The following KDM4C variants were observed in gnomAD, a reference collection of about 807,000 sequenced individuals.
KDM4C encodes the protein lysine-specific demethylase 4C.
A neutral mutation model predicts 129.3 loss-of-function variants in KDM4C; 81 were observed. The ratio of observed to expected loss-of-function variants is 0.63; its 90% CI spans 0.52 to 0.75. KDM4C has a LOEUF of 0.75. KDM4C is among the 30% of genes least tolerant of loss of function. KDM4C has a pLI of 0.00. For synonymous variants in KDM4C, 573 were observed against 456.1 expected (o/e 1.26, Z -3.26); for missense variants, 1,457 against 1,304.0 (o/e 1.12, Z -1.81).
At chr9:6,823,216 C>G (rs757187501) in intron 4 of KDM4C, among the ~76,000 whole-genome samples, 2 of 152,202 alleles carry the variant, frequency 1.3e-5, no homozygotes, top group Non-Finnish European at 1.5e-5. Context: ...TCATCCTCAT[C>G]TCTATTCTCC....
intron 19 of KDM4C, among the ~76,000 whole-genome samples, chr9:7,154,376 AAC>A (rs1842969627): frequency 6.6e-6 from 1 of 152,234 alleles, no homozygotes; most frequent in East Asian, 1.9e-4. Flanking sequence ...AACTACTGGG[AAC>A]ACATGTGCCA....
At position 7,157,293 on chromosome 9, in the gene KDM4C, G is replaced by A. The variant is rs116108148; in HGVS notation, c.2782-7945G>A. Among the ~76,000 whole-genome samples the A allele has an allele frequency of 9.7e-3, 1,478 of 152,286 alleles. 21 individuals carry two copies. Among genetic ancestry groups the A allele is most frequent in the African/African-American group, 0.034 (1,400 of 41,570 alleles). ...TTTTCTAAATATACAATTATGTCAT[G>A]TGCAGACAGGGACAATTTGACTTCC... On this transcript the variant is annotated intron_variant, in intron 19 of 21. Coordinates refer to ENST00000381309, the MANE Select transcript of KDM4C (RefSeq NM_015061.6).
chr9:7,089,036 A>G (rs1454167637), intron 17 of KDM4C, among the ~76,000 whole-genome samples: 3 of 152,152 alleles, frequency 2.0e-5, no homozygotes, highest in Non-Finnish European at 2.9e-5. Context: ...TCAAGAATTG[A>G]TGAGAAAAAA....
At chr9:6,819,616 C>G (rs945787882) in intron 4 of KDM4C, among the ~76,000 whole-genome samples, 1 of 152,142 alleles carries the variant, frequency 6.6e-6, no homozygotes, top group African/African-American at 2.4e-5. Context: ...TTCTGGTAAA[C>G]AAAACCAATC....
chr9:7,150,967 C>T (rs1439820840), intron 19 of KDM4C, among the ~76,000 whole-genome samples: 1 of 152,140 alleles, frequency 6.6e-6, no homozygotes, highest in Non-Finnish European at 1.5e-5. Context: ...AGTACCTTAA[C>T]CAAGCATCGT....
At chr9:6,735,557 G>A (rs780356195) in intron 1 of KDM4C, among the ~76,000 whole-genome samples, 5 of 152,090 alleles carry the variant, frequency 3.3e-5, no homozygotes, top group East Asian at 3.8e-4. Flanking sequence ...TAGGTCTGAC[G>A]GTTTTAAAAA....
chr9:7,127,473 C>G (rs768284808), intron 18 of KDM4C, among the ~76,000 whole-genome samples: 1 of 152,094 alleles, frequency 6.6e-6, no homozygotes, highest in Non-Finnish European at 1.5e-5. Flanking sequence ...AAACTTAAGA[C>G]ACATGCTTTA....
chr9:6,733,621 C>T (rs905962201), intron 1 of KDM4C, among the ~76,000 whole-genome samples: 1 of 152,138 alleles, frequency 6.6e-6, no homozygotes, highest in Non-Finnish European at 1.5e-5. Flanking sequence ...AAAGGGGTCC[C>T]GATCCAGACC....
In KDM4C at chr9:6,986,371, C is replaced by G. The variant is rs1168804109; in HGVS notation, c.1382C>G (p.Thr461Arg). 1 of 1,612,266 alleles carries G rather than the reference C, an allele frequency of 6.2e-7. No homozygotes were observed. Among genetic ancestry groups the G allele is most frequent in the Admixed American group, 1.7e-5 (1 of 59,910 alleles). The stretch of plus-strand genomic sequence containing the variant: ...AACAGCTGCTTAAGTACATCTGTAA[C>G]AGAAGACATAAAAACTGAGGATGAC... ...SGNSCLSTSV[T>R]EDIKTEDDKA... Residue 461 changes from threonine (T) to arginine (R), a missense_variant, in exon 11 of 22, where the codon ACA (threonine) becomes AGA (arginine). Physicochemically the swap from Thr to Arg is moderately conservative, Grantham distance 71. Coordinates refer to ENST00000381309, the MANE Select transcript of KDM4C (RefSeq NM_015061.6).
In KDM4C at chr9:7,091,151, ACTCTTTCTTTCGAGGCT is replaced by A. The variant is rs367684539; in HGVS notation, c.2425-12530_2425-12514del. 6.6e-3 allele frequency among the ~76,000 whole-genome samples: 994 copies of A among 151,682 alleles called. 11 individuals are homozygous for A. The highest frequency in any genetic ancestry group is 0.023 in the African/African-American group (948 of 41,294). On this transcript the variant is annotated intron_variant, in intron 17 of 21. Coordinates refer to ENST00000381309, the MANE Select transcript of KDM4C (RefSeq NM_015061.6). Reference sequence around the variant, plus strand: ...TATTTCAAATGAACCTGACCAGGTGACTCTTTCTTTCGAGGCTCTCAGATGGTTTTCAATGGAAACTT... The same window carrying A: ...TATTTCAAATGAACCTGACCAGGTGACTCAGATGGTTTTCAATGGAAACTT...
At chr9:6,880,941 A>G (rs897043671) in intron 6 of KDM4C, among the ~76,000 whole-genome samples, 2 of 152,206 alleles carry the variant, frequency 1.3e-5, no homozygotes, top group Non-Finnish European at 2.9e-5. Flanking sequence ...ACTTATTTCC[A>G]GGGAAAAGTG....
At chr9:6,949,113 C>T (rs899606979) in intron 8 of KDM4C, among the ~76,000 whole-genome samples, 2 of 150,852 alleles carry the variant, frequency 1.3e-5, no homozygotes, top group African/African-American at 4.9e-5. Flanking sequence ...GGTGGAGACG[C>T]TCCTCACTTC....
At chr9:7,105,966 A>T (rs532029973) in intron 18 of KDM4C, among the ~76,000 whole-genome samples, 1 of 152,170 alleles carries the variant, frequency 6.6e-6, no homozygotes, top group Non-Finnish European at 1.5e-5. Context: ...AAGATCATAT[A>T]ATTTACAACA....
At chr9:6,840,638 G>A (rs1349565896) in intron 4 of KDM4C, among the ~76,000 whole-genome samples, 1 of 152,142 alleles carries the variant, frequency 6.6e-6, no homozygotes, top group Admixed American at 6.5e-5. Flanking sequence ...CTTGTGATCC[G>A]CCCCCACTTC....
chr9:6,787,961 C>T (rs1443435402), intron 1 of KDM4C, among the ~76,000 whole-genome samples: 2 of 152,230 alleles, frequency 1.3e-5, no homozygotes, highest in African/African-American at 4.8e-5. Context: ...TTTCATTTCT[C>T]ACCATTCTCC....
chr9:6,854,604 GA>G (rs1246132629), intron 5 of KDM4C, among the ~76,000 whole-genome samples: 2 of 150,580 alleles, frequency 1.3e-5, no homozygotes, highest in Non-Finnish European at 2.9e-5. Flanking sequence ...TAAGGTGTAA[GA>G]GGATGTGTTT....
At chr9:6,831,424 C>T (rs1337265696) in intron 4 of KDM4C, among the ~76,000 whole-genome samples, 1 of 151,852 alleles carries the variant, frequency 6.6e-6, no homozygotes, top group Non-Finnish European at 1.5e-5. Flanking sequence ...CTCACTGCAA[C>T]CTCCGTCTCC....
intron 19 of KDM4C, among the ~76,000 whole-genome samples, chr9:7,130,973 T>C (rs1840569638): frequency 6.6e-6 from 1 of 151,696 alleles, no homozygotes; most frequent in Non-Finnish European, 1.5e-5. Context: ...CGAACTGCGT[T>C]GCCCGGGCTG....
Position 6,882,778 on chromosome 9 carries a change from G to T in KDM4C, c.679+2717G>T, listed in dbSNP as rs996801010. 1.8e-3 allele frequency among the ~76,000 whole-genome samples: 255 copies of T among 139,812 alleles called. 2 individuals carry two copies. The highest frequency in any genetic ancestry group is 5.0e-3 in the African/African-American group (198 of 39,242). The allele number at this position is 139,812 out of a possible 152,430, so 91.7% of individuals were successfully genotyped here. A position where few individuals can be genotyped will look rare whatever the true frequency, so the allele number is the denominator to read the frequency against. ...AGTTCATGCTTTTAAGCATTTGTGT[G>T]TGTGTGTGTGTGTGTGTGTGTGTGT... On this transcript the variant is annotated intron_variant, in intron 6 of 21. Transcript: ENST00000381309.
Sources: gnomAD v4.1 joint callset for allele counts (sites outside exome capture counted in the v4.1 genomes callset) on GRCh38, gnomAD v4.1.1 for gene constraint, MANE v1.5 for transcripts, NCBI Gene and HGNC (gene_info 2026-07-23, HGNC 2026-07-21) for gene names.